The following FARS2 variants were observed in gnomAD, a reference collection of about 807,000 sequenced individuals.
FARS2 encodes phenylalanyl-tRNA synthetase 2, mitochondrial, also known as phenylalanine--tRNA ligase, mitochondrial.
In FARS2, 40 loss-of-function variants were observed where a neutral mutation model predicts 46.4. That is an observed-to-expected ratio of 0.86 (90% CI 0.67 to 1.12). The LOEUF (loss-of-function observed/expected upper bound fraction) is 1.12. Ranked by LOEUF, FARS2 falls within the 50% of genes most tolerant of loss-of-function variation. The probability of loss-of-function intolerance (pLI) is 0.00; values close to 1 mark genes in which losing one functional copy is unlikely to be tolerated. For synonymous variants in FARS2, 234 were observed against 214.9 expected (o/e 1.09, Z -0.78); for missense variants, 513 against 567.9 (o/e 0.90, Z 0.98).
At chr6:5,511,120 C>T (rs10900969) in intron 4 of FARS2, among the ~76,000 whole-genome samples, 20,962 of 152,082 alleles carry the variant, frequency 0.14, 1,507 homozygotes, top group East Asian at 0.23. Context: ...CCAGATTGGT[C>T]CAACGTTTAG....
At chr6:5,421,893 A>G (rs184007267) in intron 3 of FARS2, among the ~76,000 whole-genome samples, 3 of 152,244 alleles carry the variant, frequency 2.0e-5, no homozygotes, top group East Asian at 3.9e-4. Context: ...GAGCTCTTCA[A>G]ACTATTCTAA....
intron 5 of FARS2, among the ~76,000 whole-genome samples, chr6:5,572,531 G>A (rs895207637): frequency 1.3e-5 from 2 of 152,058 alleles, no homozygotes; most frequent in Non-Finnish European, 2.9e-5. Flanking sequence ...GAAAGAGATC[G>A]ATGACTGCCT....
At chr6:5,523,949 A>G (rs574005479) in intron 4 of FARS2, among the ~76,000 whole-genome samples, 116 of 152,200 alleles carry the variant, frequency 7.6e-4, no homozygotes, top group Non-Finnish European at 3.1e-4. Context: ...GCAATTATCT[A>G]ATGATAATTC....
Position 5,283,374 on chromosome 6 carries a change from C to CAAA in FARS2, c.-22+21733_-22+21735dup, listed in dbSNP as rs1180107524. On this transcript the variant is annotated intron_variant, in intron 1 of 6. Coordinates refer to ENST00000274680, the MANE Select transcript of FARS2 (RefSeq NM_006567.5). Reference sequence around the variant, plus strand: ...TGCAACAAAAGTGAAACTCCTGTCTCAAAAAAAAAAAAAAAAAAAAACAAA... The same window carrying CAAA: ...TGCAACAAAAGTGAAACTCCTGTCTCAAAAAAAAAAAAAAAAAAAAAAAACAAA... Among the ~76,000 whole-genome samples the CAAA allele has an allele frequency of 7.4e-4, 41 of 55,034 alleles. 1 individual carries two copies. Among genetic ancestry groups the CAAA allele is most frequent in the South Asian group, 5.3e-3 (7 of 1,316 alleles). The allele number at this position is 55,034 out of a possible 152,430, so 36.1% of individuals were successfully genotyped here.
upstream of FARS2, among the ~76,000 whole-genome samples, chr6:5,259,375 T>G (rs1280962989): frequency 6.6e-6 from 1 of 152,252 alleles, no homozygotes; most frequent in African/African-American, 2.4e-5. Context: ...ATTACACTCT[T>G]TATTCTCCAA....
At chr6:5,680,289 G>A (rs1778967376) in intron 6 of FARS2, among the ~76,000 whole-genome samples, 1 of 152,182 alleles carries the variant, frequency 6.6e-6, no homozygotes, top group South Asian at 2.1e-4. Context: ...CAAGGCTGCA[G>A]CTGATGGTCA....
chr6:5,348,850 T>G (rs1460271077), intron 1 of FARS2, among the ~76,000 whole-genome samples: 1 of 152,106 alleles, frequency 6.6e-6, no homozygotes, highest in Non-Finnish European at 1.5e-5. Context: ...ATAACATTTA[T>G]AAAAATCCTA....
Position 5,622,412 on chromosome 6 carries a change from A to G in FARS2, c.1217+9092A>G, listed in dbSNP as rs116794506. Among the ~76,000 whole-genome samples the G allele has an allele frequency of 6.3e-3, 963 of 152,338 alleles. 13 individuals carry two copies. The highest frequency in any genetic ancestry group is 0.022 in the African/African-American group (909 of 41,572). On this transcript the variant is annotated intron_variant, in intron 6 of 6. Transcript: ENST00000274680. ...TGGAAACTCCTTAGAGGCCTGTGGC[A>G]TAGTAAGTGCTATGGTTTGAATGTT...
intron 6 of FARS2, among the ~76,000 whole-genome samples, chr6:5,648,803 A>G (rs1777203944): frequency 6.6e-6 from 1 of 152,124 alleles, no homozygotes; most frequent in South Asian, 2.1e-4. Flanking sequence ...ACGTATTAGC[A>G]CATTTGGTGC....
At chr6:5,379,794 G>A (rs771510422) in intron 2 of FARS2, among the ~76,000 whole-genome samples, 19 of 152,238 alleles carry the variant, frequency 1.2e-4, no homozygotes, top group Admixed American at 3.9e-4. Flanking sequence ...GGCAAAAGAA[G>A]TGCAGGGTGC....
At chr6:5,348,138 T>C (rs1197453742) in intron 1 of FARS2, among the ~76,000 whole-genome samples, 1 of 152,228 alleles carries the variant, frequency 6.6e-6, no homozygotes, top group African/African-American at 2.4e-5. Flanking sequence ...TTCCCAAAGA[T>C]GTCTTTTGAG....
chr6:5,323,186 A>G (rs1030474723), intron 1 of FARS2, among the ~76,000 whole-genome samples: 3 of 152,192 alleles, frequency 2.0e-5, no homozygotes, highest in Non-Finnish European at 4.4e-5. Flanking sequence ...ATTATAGGGC[A>G]TATAATTTAT....
intron 6 of FARS2, among the ~76,000 whole-genome samples, chr6:5,626,540 A>G (rs1022618782): frequency 2.0e-5 from 3 of 151,970 alleles, no homozygotes; most frequent in African/African-American, 7.3e-5. Flanking sequence ...GACTTAAGCA[A>G]CTCAGCTTTG....
intron 4 of FARS2, among the ~76,000 whole-genome samples, chr6:5,482,813 TCA>T (rs1276347980): frequency 6.6e-6 from 1 of 152,222 alleles, no homozygotes; most frequent in Non-Finnish European, 1.5e-5. Flanking sequence ...CTAGGAAAGT[TCA>T]GAGTCAGCAC....
chr6:5,753,290 T>C (rs1262249514), intron 6 of FARS2, among the ~76,000 whole-genome samples: 1 of 152,132 alleles, frequency 6.6e-6, no homozygotes, highest in Non-Finnish European at 1.5e-5. Flanking sequence ...TGGTAGATAA[T>C]AAAGAAAAAG....
chr6:5,575,530 G>C (rs1468636396), intron 5 of FARS2, among the ~76,000 whole-genome samples: 1 of 152,136 alleles, frequency 6.6e-6, no homozygotes, highest in African/African-American at 2.4e-5. Context: ...CATAATCACA[G>C]TAAAGTTAAT....
intron 2 of FARS2, 116 bp from the exon 3 acceptor site, chr6:5,404,426 C>A: frequency 1.7e-6 from 1 of 599,024 alleles, no homozygotes; most frequent in Non-Finnish European, 2.8e-6. Context: ...CATAATGAGT[C>A]TTATTCCCAC....
In FARS2 at chr6:5,560,299, A is replaced by G. The variant is rs545107430; in HGVS notation, c.1065+14959A>G. Among the ~76,000 whole-genome samples, 17 of 152,214 alleles carry G rather than the reference A, an allele frequency of 1.1e-4. No individual in the cohort carries two copies. The South Asian group carries it at 2.9e-3, about 26-fold the overall frequency. On this transcript the variant is annotated intron_variant, in intron 5 of 6. Coordinates refer to ENST00000274680, the MANE Select transcript of FARS2 (RefSeq NM_006567.5). ...TACAAATGAATGCTAAAATTTATTAAATCTGTCTATATATTTCGAGATGAT... is the reference window on the plus strand; with the variant it reads ...TACAAATGAATGCTAAAATTTATTAGATCTGTCTATATATTTCGAGATGAT...
chr6:5,497,612 C>A (rs1387564527), intron 4 of FARS2, among the ~76,000 whole-genome samples: 1 of 152,194 alleles, frequency 6.6e-6, no homozygotes, highest in Non-Finnish European at 1.5e-5. Flanking sequence ...TAACTGTTAT[C>A]ATGGTAAATA....
Sources: allele counts gnomAD v4.1 joint callset (sites outside exome capture counted in the v4.1 genomes callset), GRCh38; gene constraint gnomAD v4.1.1; transcripts MANE v1.5; gene names NCBI Gene and HGNC (gene_info 2026-07-23, HGNC 2026-07-21).